LRMDA: variants seen among roughly 807,000 people sequenced by gnomAD.
LRMDA encodes leucine-rich melanocyte differentiation-associated protein.
Under a neutral mutation model 29.8 loss-of-function variants are expected in LRMDA, and 18 were observed. The ratio of observed to expected loss-of-function variants is 0.60; its 90% CI spans 0.42 to 0.90. The LOEUF (loss-of-function observed/expected upper bound fraction) is 0.90. Ranked by LOEUF, LRMDA falls within the 40% of genes least tolerant of loss-of-function variation. The probability of loss-of-function intolerance (pLI) is 0.00; values close to 1 mark genes in which losing one functional copy is unlikely to be tolerated. For missense variants in LRMDA, 273 were observed against 273.9 expected (o/e 1.00, Z 0.02); for synonymous variants, 125 against 109.4 (o/e 1.14, Z -0.89).
At chr10:76,194,990 G>A (rs749430299) in intron 5 of LRMDA, among the ~76,000 whole-genome samples, 1 of 152,106 alleles carries the variant, frequency 6.6e-6, no homozygotes, top group Non-Finnish European at 1.5e-5. Context: ...TGTGAAACTT[G>A]TGTTTCCTGG....
intron 5 of LRMDA, among the ~76,000 whole-genome samples, chr10:76,199,266 A>G (rs971494723): frequency 1.2e-4 from 18 of 152,186 alleles, no homozygotes; most frequent in African/African-American, 3.6e-4. Flanking sequence ...AACATGTTCA[A>G]GAAGCAGGGC....
chr10:75,435,162 A>G (rs1844250025), intron 1 of LRMDA, among the ~76,000 whole-genome samples: 1 of 152,270 alleles, frequency 6.6e-6, no homozygotes, highest in Non-Finnish European at 1.5e-5. Context: ...AGTCTAAGTC[A>G]AGGTAATTGA....
intron 2 of LRMDA, among the ~76,000 whole-genome samples, chr10:75,925,389 C>T (rs1846103440): frequency 6.6e-6 from 1 of 152,036 alleles, no homozygotes; most frequent in African/African-American, 2.4e-5. Flanking sequence ...ACTTAATTGC[C>T]CAAGTTGCTT....
At chr10:76,093,227 G>A (rs1849259096) in intron 5 of LRMDA, among the ~76,000 whole-genome samples, 2 of 151,772 alleles carry the variant, frequency 1.3e-5, no homozygotes, top group Admixed American at 6.6e-5. Flanking sequence ...TAGTAGAGAC[G>A]GGGTTTCACC....
chr10:75,925,080 C>G (rs1198574914), intron 2 of LRMDA, among the ~76,000 whole-genome samples: 1 of 152,188 alleles, frequency 6.6e-6, no homozygotes, highest in African/African-American at 2.4e-5. Context: ...AGTCCATTCT[C>G]CCAGAGATGA....
chr10:75,435,722 C>G (rs1370976547), intron 1 of LRMDA, among the ~76,000 whole-genome samples: 1 of 152,160 alleles, frequency 6.6e-6, no homozygotes, highest in Non-Finnish European at 1.5e-5. Context: ...TATGATAGCT[C>G]TCCTTGGTGC....
Position 76,427,990 on chromosome 10 carries a change from C to G in LRMDA, c.601+103505C>G, listed in dbSNP as rs180857173. On this transcript the variant is annotated intron_variant, in intron 6 of 6. Transcript: ENST00000611255. ...TGGTGGATACGCTTTTTGATGTGCTCCTGGATTCGGTTTGCCAGTATTTTA... is the reference window on the plus strand; with the variant it reads ...TGGTGGATACGCTTTTTGATGTGCTGCTGGATTCGGTTTGCCAGTATTTTA... Among the ~76,000 whole-genome samples, 151 of 152,118 alleles carry G rather than the reference C, an allele frequency of 9.9e-4. No homozygotes were observed. In the Middle Eastern group the frequency reaches 0.02, roughly 21 times the overall value.
chr10:76,097,675 T>C (rs574640027), intron 5 of LRMDA, among the ~76,000 whole-genome samples: 18 of 152,212 alleles, frequency 1.2e-4, no homozygotes, highest in Non-Finnish European at 2.5e-4. Flanking sequence ...TTGAGGTGAG[T>C]ATATAGTTTA....
At chr10:75,667,509 A>G (rs1841838266) in intron 2 of LRMDA, among the ~76,000 whole-genome samples, 1 of 152,120 alleles carries the variant, frequency 6.6e-6, no homozygotes, top group Non-Finnish European at 1.5e-5. Flanking sequence ...TATGTTGCCC[A>G]GGTTGGTCTC....
chr10:75,471,413 A>C (rs1457672176), intron 2 of LRMDA, among the ~76,000 whole-genome samples: 2 of 152,236 alleles, frequency 1.3e-5, no homozygotes, highest in South Asian at 2.1e-4. Context: ...CAGGCATTTA[A>C]AACTTTTAGC....
intron 2 of LRMDA, among the ~76,000 whole-genome samples, chr10:76,033,304 T>C (rs1320871122): frequency 1.3e-5 from 2 of 152,130 alleles, no homozygotes; most frequent in Non-Finnish European, 2.9e-5. Context: ...ACCCATGTAA[T>C]ATGGTTCTCT....
At chr10:75,846,683 GTAAA>G (rs906303727) in intron 2 of LRMDA, among the ~76,000 whole-genome samples, 4 of 152,060 alleles carry the variant, frequency 2.6e-5, no homozygotes, top group Admixed American at 2.6e-4. Flanking sequence ...TGTAGGCAAA[GTAAA>G]TAAATAAATA....
At position 76,086,008 on chromosome 10, in the gene LRMDA, C is replaced by T. The variant is rs1321957889; in HGVS notation, c.516+27225C>T. Among the ~76,000 whole-genome samples, 6 of 152,200 alleles carry T rather than the reference C, an allele frequency of 3.9e-5. No individual in the cohort carries two copies. In the East Asian group the frequency reaches 5.8e-4, roughly 15 times the overall value. On this transcript the variant is annotated intron_variant, in intron 5 of 6. Transcript: ENST00000611255. ...TCTCATGCTTCACTCTTCTGCACCA[C>T]CCCCCGCCCAATTTTATAGTCTTCT...
chr10:76,250,483 AAGG>A (rs1246800974), intron 5 of LRMDA, among the ~76,000 whole-genome samples: 1 of 152,212 alleles, frequency 6.6e-6, no homozygotes, highest in Non-Finnish European at 1.5e-5. Flanking sequence ...GCTGACCTTG[AAGG>A]AGAATACTAA....
At chr10:76,152,213 C>A (rs1318768584) in intron 5 of LRMDA, among the ~76,000 whole-genome samples, 2 of 152,192 alleles carry the variant, frequency 1.3e-5, no homozygotes. Context: ...CCTTAATCAA[C>A]TTTCTGTCTC....
chr10:75,575,669 C>A (rs1840494721), intron 2 of LRMDA, among the ~76,000 whole-genome samples: 1 of 152,100 alleles, frequency 6.6e-6, no homozygotes, highest in Non-Finnish European at 1.5e-5. Flanking sequence ...AACTGAGGTA[C>A]CTTGTTTGTC....
intron 5 of LRMDA, among the ~76,000 whole-genome samples, chr10:76,163,922 TAGTC>T (rs757394357): frequency 1.4e-4 from 22 of 152,282 alleles, no homozygotes; most frequent in Non-Finnish European, 2.9e-4. Flanking sequence ...ATGGGAGATT[TAGTC>T]AGGGCAAAAA....
intron 6 of LRMDA, among the ~76,000 whole-genome samples, chr10:76,503,716 G>T (rs1270289597): frequency 6.6e-6 from 1 of 150,760 alleles, no homozygotes; most frequent in Non-Finnish European, 1.5e-5. Flanking sequence ...GATCTTCTGG[G>T]TTTTTTTCAT....
At chr10:75,940,383 G>A (rs1589260527) in intron 2 of LRMDA, among the ~76,000 whole-genome samples, 1 of 152,206 alleles carries the variant, frequency 6.6e-6, no homozygotes, top group South Asian at 2.1e-4. Context: ...CTTCTTTCTG[G>A]TGGTTGCTCT....
Sources: gnomAD v4.1 joint callset for allele counts (sites outside exome capture counted in the v4.1 genomes callset) on GRCh38, gnomAD v4.1.1 for gene constraint, MANE v1.5 for transcripts, NCBI Gene and HGNC (gene_info 2026-07-23, HGNC 2026-07-21) for gene names.